The following DPP10 variants were observed in gnomAD, a reference collection of about 807,000 sequenced individuals.
DPP10 encodes inactive dipeptidyl peptidase 10.
DPP10 carries 33 observed loss-of-function variants against 120.9 expected under a neutral mutation model. The observed-to-expected ratio is 0.27, with a 90% confidence interval of 0.21 to 0.37. The LOEUF (loss-of-function observed/expected upper bound fraction) is 0.37. DPP10 is among the 10% of genes least tolerant of loss of function. DPP10 has a pLI of 1.00. For missense variants in DPP10, 816 were observed against 942.8 expected (o/e 0.87, Z 1.76); for synonymous variants, 337 against 326.1 (o/e 1.03, Z -0.36).
At chr2:115,234,173 G>A (rs745788216) in intron 1 of DPP10, among the ~76,000 whole-genome samples, 2 of 151,910 alleles carry the variant, frequency 1.3e-5, no homozygotes, top group South Asian at 2.1e-4. Flanking sequence ...AATAATTTTT[G>A]CATTACAATC....
chr2:115,833,088 A>G (rs1037400183), intron 21 of DPP10, among the ~76,000 whole-genome samples: 1 of 152,214 alleles, frequency 6.6e-6, no homozygotes, highest in African/African-American at 2.4e-5. Context: ...TTTGGAAGGC[A>G]CTATTCCTGA....
At chr2:114,590,887 T>C (rs1475892598) in intron 1 of DPP10, among the ~76,000 whole-genome samples, 1 of 152,222 alleles carries the variant, frequency 6.6e-6, no homozygotes, top group Non-Finnish European at 1.5e-5. Flanking sequence ...AACAATTAGC[T>C]TTTGAAATTC....
intron 1 of DPP10, among the ~76,000 whole-genome samples, chr2:114,950,664 A>G (rs1394595323): frequency 6.6e-6 from 1 of 152,070 alleles, no homozygotes; most frequent in Non-Finnish European, 1.5e-5. Context: ...GTGTACTTAT[A>G]GGACCCTATC....
chr2:114,936,261 T>G (rs1696459941), intron 1 of DPP10, among the ~76,000 whole-genome samples: 1 of 152,120 alleles, frequency 6.6e-6, no homozygotes, highest in Admixed American at 6.6e-5. Flanking sequence ...ATTCCTGAGT[T>G]GCTTCGCTTA....
At chr2:115,381,540 T>C (rs561094488) in intron 3 of DPP10, among the ~76,000 whole-genome samples, 14 of 152,340 alleles carry the variant, frequency 9.2e-5, no homozygotes, top group African/African-American at 3.4e-4. Context: ...TCTGAAGCCT[T>C]CTTCTCTCAG....
chr2:115,161,841 T>C (rs1573839648), intron 1 of DPP10: 6 of 760,196 alleles, frequency 7.9e-6, no homozygotes, highest in Admixed American at 4.8e-5. Flanking sequence ...CCCCACCCCG[T>C]CCCTTCCGCC....
intron 1 of DPP10, among the ~76,000 whole-genome samples, chr2:115,003,053 C>A (rs761693123): frequency 6.6e-6 from 1 of 151,562 alleles, no homozygotes; most frequent in Non-Finnish European, 1.5e-5. Flanking sequence ...CATAAAGGAA[C>A]ATACATCTGT....
intron 1 of DPP10, among the ~76,000 whole-genome samples, chr2:114,960,366 G>GTGTATATATA (rs1553461489): frequency 2.8e-5 from 4 of 143,786 alleles, no homozygotes; most frequent in East Asian, 4.1e-4. Flanking sequence ...GTGTATGTGC[G>GTGTATATATA]TATATATATA....
intron 1 of DPP10, among the ~76,000 whole-genome samples, chr2:114,605,680 G>T (rs1692728961): frequency 6.6e-6 from 1 of 152,016 alleles, no homozygotes; most frequent in African/African-American, 2.4e-5. Context: ...TTATTCAAGG[G>T]ATAACTGTAA....
chr2:115,396,162 A>G (rs1487371029), intron 3 of DPP10, among the ~76,000 whole-genome samples: 2 of 152,138 alleles, frequency 1.3e-5, no homozygotes, highest in Non-Finnish European at 2.9e-5. Flanking sequence ...TACCTCACAG[A>G]TTGTCAAGCT....
chr2:114,832,422 C>G (rs886188957), intron 1 of DPP10, among the ~76,000 whole-genome samples: 2 of 152,188 alleles, frequency 1.3e-5, no homozygotes, highest in Admixed American at 6.5e-5. Flanking sequence ...GTAGTCCCAG[C>G]TACTCAGGAG....
At chr2:115,152,473 A>C (rs753599560) in intron 1 of DPP10, among the ~76,000 whole-genome samples, 2 of 152,158 alleles carry the variant, frequency 1.3e-5, no homozygotes, top group African/African-American at 4.8e-5. Flanking sequence ...GTATAAATTT[A>C]GTTTTTTTGA....
At chr2:114,938,248 A>T (rs1696630768) in intron 1 of DPP10, among the ~76,000 whole-genome samples, 1 of 152,084 alleles carries the variant, frequency 6.6e-6, no homozygotes, top group Non-Finnish European at 1.5e-5. Flanking sequence ...TGTATTTTAC[A>T]TGTTACTTTT....
At chr2:115,219,906 TC>T (rs999959804) in intron 1 of DPP10, among the ~76,000 whole-genome samples, 3 of 152,156 alleles carry the variant, frequency 2.0e-5, no homozygotes, top group African/African-American at 7.2e-5. Flanking sequence ...AATATTTTAT[TC>T]AAATTTATCA....
rs13389339 is a variant in DPP10 at position 115,750,254 on chromosome 2, A to G, written c.951-2920A>G. 11,047 of 958,536 alleles carry G rather than the reference A, an allele frequency of 0.012. 924 individuals carry two copies. The African/African-American group carries it at 0.18, about 15-fold the overall frequency. 59.4% of individuals were successfully genotyped at this position (958,536 alleles called of 1,614,324 possible). A position where few individuals can be genotyped will look rare whatever the true frequency, so the allele number is the denominator to read the frequency against. Reference sequence around the variant, plus strand: ...GCCTGAATACTTATGAGTAAGCAAGATCAGTCAATATGAATCACAGGGAGA... The same window carrying G: ...GCCTGAATACTTATGAGTAAGCAAGGTCAGTCAATATGAATCACAGGGAGA... On this transcript the variant is annotated intron_variant, in intron 10 of 25. Coordinates refer to ENST00000410059, the MANE Select transcript of DPP10 (RefSeq NM_020868.6).
chr2:114,472,820 G>T (rs1317567530), intron 1 of DPP10, among the ~76,000 whole-genome samples: 1 of 152,194 alleles, frequency 6.6e-6, no homozygotes, highest in Non-Finnish European at 1.5e-5. Context: ...AAGAAATGCT[G>T]AAGCTGGTTC....
intron 1 of DPP10, among the ~76,000 whole-genome samples, chr2:115,107,942 A>C (rs2049029890): frequency 6.6e-6 from 1 of 152,140 alleles, no homozygotes; most frequent in Admixed American, 6.6e-5. Context: ...TTCCAAATTC[A>C]TGAATTTATA....
intron 5 of DPP10, among the ~76,000 whole-genome samples, chr2:115,676,801 A>G (rs774386499): frequency 5.9e-5 from 9 of 152,226 alleles, no homozygotes; most frequent in Non-Finnish European, 1.3e-4. Flanking sequence ...TGAAAACTCA[A>G]TTCTTGGAAG....
At chr2:115,263,944 A>G (rs1265496184) in intron 1 of DPP10, among the ~76,000 whole-genome samples, 3 of 152,164 alleles carry the variant, frequency 2.0e-5, no homozygotes, top group Non-Finnish European at 4.4e-5. Flanking sequence ...TTTGAATTCA[A>G]GAAATGATGA....
Sources: allele counts gnomAD v4.1 joint callset (sites outside exome capture counted in the v4.1 genomes callset), GRCh38; gene constraint gnomAD v4.1.1; transcripts MANE v1.5; gene names NCBI Gene and HGNC (gene_info 2026-07-23, HGNC 2026-07-21).